Variants in FTO observed in about 807,000 individuals in gnomAD.
FTO encodes alpha-ketoglutarate-dependent dioxygenase FTO.
Under a neutral mutation model 63.9 loss-of-function variants are expected in FTO, and 47 were observed. The observed-to-expected ratio is 0.74, with a 90% confidence interval of 0.58 to 0.94. The LOEUF is 0.94. Among genes scored for constraint, FTO ranks in the 40% least tolerant of loss-of-function variants. FTO has a pLI of 0.00. For synonymous variants in FTO, 207 were observed against 224.4 expected, an observed-to-expected ratio of 0.92 and a Z score of 0.69; for missense variants, 562 against 618.1, an observed-to-expected ratio of 0.91 and a Z score of 0.96.
chr16:53,976,428 T>C (rs1383719885), intron 8 of FTO, among the ~76,000 whole-genome samples: 2 of 151,576 alleles, frequency 1.3e-5, no homozygotes, highest in African/African-American at 4.8e-5. Context: ...TTTTATCATA[T>C]ACTAAATTTG....
chr16:53,829,302 C>G (rs941711505), intron 3 of FTO, among the ~76,000 whole-genome samples: 2 of 152,228 alleles, frequency 1.3e-5, no homozygotes, highest in African/African-American at 4.8e-5. Flanking sequence ...TTCTCACCCA[C>G]ATCTGCTGTA....
At chr16:53,978,284 C>A (rs1389138732) in intron 8 of FTO, among the ~76,000 whole-genome samples, 1 of 152,126 alleles carries the variant, frequency 6.6e-6, no homozygotes, top group African/African-American at 2.4e-5. Context: ...CCTATTTGCA[C>A]CCCCTAGTAT....
chr16:54,080,139 C>T (rs2086106162), intron 8 of FTO, among the ~76,000 whole-genome samples: 1 of 152,132 alleles, frequency 6.6e-6, no homozygotes, highest in Non-Finnish European at 1.5e-5. Flanking sequence ...GTAATCCCAG[C>T]ACTTTGGGAG....
intron 7 of FTO, among the ~76,000 whole-genome samples, chr16:53,890,667 G>A (rs1224334054): frequency 6.6e-6 from 1 of 152,116 alleles, no homozygotes; most frequent in East Asian, 1.9e-4. Flanking sequence ...CCAAAGACCT[G>A]AATCGATGCA....
At chr16:53,822,883 T>C (rs1419074394) in intron 2 of FTO, among the ~76,000 whole-genome samples, 1 of 152,178 alleles carries the variant, frequency 6.6e-6, no homozygotes, top group Non-Finnish European at 1.5e-5. Flanking sequence ...CTTTGGTTAT[T>C]CACTCTCTCT....
intron 8 of FTO, among the ~76,000 whole-genome samples, chr16:53,954,781 G>A (rs73614144): frequency 0.013 from 1,903 of 152,102 alleles, 36 homozygotes; most frequent in African/African-American, 0.039. Context: ...GCATTGGTTA[G>A]GAAGGCTCAC....
chr16:54,107,858 G>A (rs758855411), intron 8 of FTO, among the ~76,000 whole-genome samples: 4 of 152,178 alleles, frequency 2.6e-5, no homozygotes, highest in African/African-American at 4.8e-5. Context: ...TTGTTCATAG[G>A]CCAGGAGAGG....
At chr16:54,000,116 A>G (rs2084033905) in intron 8 of FTO, 1 of 152,134 alleles carries the variant, frequency 6.6e-6, no homozygotes, top group South Asian at 2.1e-4. Context: ...TTTGGCCACC[A>G]TTCAATTGCC....
intron 1 of FTO, among the ~76,000 whole-genome samples, chr16:53,807,515 T>A (rs1454387760): frequency 6.6e-6 from 1 of 152,236 alleles, no homozygotes; most frequent in Non-Finnish European, 1.5e-5. Context: ...GACAGGTCTG[T>A]TGCTGTTTCA....
At chr16:53,873,478 A>G (rs2080558680) in intron 4 of FTO, among the ~76,000 whole-genome samples, 1 of 149,448 alleles carries the variant, frequency 6.7e-6, no homozygotes, top group African/African-American at 2.4e-5. Flanking sequence ...ATATACTTGC[A>G]TATGTATAAG....
In FTO at chr16:53,880,228, C is replaced by A. The variant is rs760100201; in HGVS notation, c.1119+241C>A. 3.9e-5 allele frequency among the ~76,000 whole-genome samples: 6 copies of A among 152,114 alleles called. No homozygotes were observed. The South Asian group carries it at 6.2e-4, about 16-fold the overall frequency. ...GCCAGGCTGGTCTCGAACTCCTGAC[C>A]TCAAGTGATCTGCCCGCCTCAGCCT... On this transcript the variant is annotated intron_variant, in intron 6 of 8. Transcript: ENST00000471389.
At chr16:53,937,170 T>C in intron 8 of FTO, 1 of 398,478 alleles carries the variant, frequency 2.5e-6, no homozygotes, top group Non-Finnish European at 4.4e-6. Context: ...GTGCTGTGGG[T>C]TTCCTTCTCC....
chr16:53,988,186 G>C (rs1257776365), intron 8 of FTO, among the ~76,000 whole-genome samples: 1 of 152,180 alleles, frequency 6.6e-6, no homozygotes, highest in African/African-American at 2.4e-5. Flanking sequence ...CAGCTTTTCA[G>C]TGCAGTCATT....
Position 54,114,504 on chromosome 16 carries a change from C to T in FTO, c.*2589C>T, listed in dbSNP as rs1207838178. ...GTTTTTTTCCTTTTGCATGGATGAGCCAGCTTCACTGTCCTGGGTGGGGCC... is the reference window on the plus strand; with the variant it reads ...GTTTTTTTCCTTTTGCATGGATGAGTCAGCTTCACTGTCCTGGGTGGGGCC... On this transcript the variant is annotated 3_prime_UTR_variant, in exon 9 of 9. Transcript: ENST00000471389. The T allele has an allele frequency of 6.6e-6, 1 of 152,126 alleles. No homozygotes were observed. Among genetic ancestry groups the T allele is most frequent in the Admixed American group, 6.5e-5 (1 of 15,272 alleles). The allele number at this position is 152,126 out of a possible 1,614,324, so 9.4% of individuals were successfully genotyped here.
chr16:53,910,386 A>T (rs73609325), intron 7 of FTO, among the ~76,000 whole-genome samples: 4,611 of 152,256 alleles, frequency 0.03, 103 homozygotes, highest in African/African-American at 0.065. Flanking sequence ...CCCATTCTTC[A>T]AAATTAGAAC....
intron 8 of FTO, among the ~76,000 whole-genome samples, chr16:54,074,000 T>A (rs953023906): frequency 1.3e-5 from 2 of 152,140 alleles, no homozygotes; most frequent in Non-Finnish European, 2.9e-5. Flanking sequence ...TTTGGGTGTC[T>A]TATAGTCTGT....
At position 54,121,688 on chromosome 16, in the gene FTO, C is replaced by G. The variant is rs1453168604; in HGVS notation, c.*9773C>G. 2 of 152,238 alleles carry G rather than the reference C, an allele frequency of 1.3e-5. No homozygotes were observed. Among genetic ancestry groups the G allele is most frequent in the Non-Finnish European group, 2.9e-5 (2 of 68,100 alleles). The allele number at this position is 152,238 out of a possible 1,614,324, so 9.4% of individuals were successfully genotyped here. ...CAGTGCGAAGATTATTCCAATGCCT[C>G]ATTCGGAGAGGTGATAATCTGGTCT... On this transcript the variant is annotated 3_prime_UTR_variant, in exon 9 of 9. Coordinates refer to ENST00000471389, the MANE Select transcript of FTO (RefSeq NM_001080432.3).
intron 1 of FTO, among the ~76,000 whole-genome samples, chr16:53,781,386 A>G (rs1380174550): frequency 6.6e-6 from 1 of 152,246 alleles, no homozygotes; most frequent in Non-Finnish European, 1.5e-5. Context: ...GACTCATGAA[A>G]TGTAAACAGC....
At chr16:54,106,752 A>C (rs62637747) in intron 8 of FTO, among the ~76,000 whole-genome samples, 30,227 of 135,106 alleles carry the variant, frequency 0.22, 4,425 homozygotes, top group Non-Finnish European at 0.32. Flanking sequence ...AAAATATATA[A>C]TTGTATAATA....
Sources: allele counts gnomAD v4.1 joint callset (sites outside exome capture counted in the v4.1 genomes callset), GRCh38; gene constraint gnomAD v4.1.1; transcripts MANE v1.5; gene names NCBI Gene and HGNC (gene_info 2026-07-23, HGNC 2026-07-21).